Variants in C11orf65 observed in about 807,000 individuals in gnomAD.
C11orf65 encodes the protein chromosome 11 open reading frame 65, also known as protein MFI.
Under a neutral mutation model 35.3 loss-of-function variants are expected in C11orf65, and 38 were observed. The observed-to-expected ratio is 1.08, with a 90% CI of 0.83 to 1.41. C11orf65 has a LOEUF of 1.41. Ranked by LOEUF, C11orf65 falls within the 40% of genes most tolerant of loss-of-function variation. C11orf65 has a pLI of 0.00. For missense variants in C11orf65, 370 were observed against 367.1 expected, an observed-to-expected ratio of 1.01 and a Z score of -0.06; for synonymous variants, 105 against 114.4, an observed-to-expected ratio of 0.92 and a Z score of 0.53.
intron 2 of C11orf65, among the ~76,000 whole-genome samples, chr11:108,351,688 G>A (rs988360724): frequency 8.5e-5 from 13 of 152,162 alleles, no homozygotes; most frequent in Non-Finnish European, 4.4e-5. Context: ...GGGGAAGGAA[G>A]TGGAAGTTAA....
intron 6 of C11orf65, among the ~76,000 whole-genome samples, chr11:108,313,850 A>G (rs1304448945): frequency 2.0e-5 from 3 of 152,194 alleles, no homozygotes; most frequent in African/African-American, 7.2e-5. Context: ...TCAATTTTCT[A>G]TGCAGTATAG....
At chr11:108,365,964 G>A (rs2091297581) in intron 2 of C11orf65, 1 of 172,430 alleles carries the variant, frequency 5.8e-6, no homozygotes. Context: ...GGGAGGTGAA[G>A]GTTGCTGTGG....
chr11:108,333,819 T>C (rs1386802827), intron 3 of C11orf65: 3 of 1,259,178 alleles, frequency 2.4e-6, no homozygotes, highest in African/African-American at 2.9e-5. Flanking sequence ...ATCTGCTGAC[T>C]ATTCCTGCTT....
At chr11:108,449,637 A>C (rs1735364534) in intron 2 of C11orf65, among the ~76,000 whole-genome samples, 1 of 152,018 alleles carries the variant, frequency 6.6e-6, no homozygotes, top group South Asian at 2.1e-4. Flanking sequence ...AAATTAACTC[A>C]AGATGGATTA....
chr11:108,453,293 A>G (rs2135680345), intron 2 of C11orf65, among the ~76,000 whole-genome samples: 1 of 152,210 alleles, frequency 6.6e-6, no homozygotes, highest in Middle Eastern at 3.4e-3. Flanking sequence ...ACAAACTAAC[A>G]ATATTTAATT....
intron 7 of C11orf65, among the ~76,000 whole-genome samples, chr11:108,391,390 C>CT (rs1028000216): frequency 3.7e-4 from 56 of 152,002 alleles, no homozygotes; most frequent in African/African-American, 1.2e-3. Flanking sequence ...ATTTTCTTTT[C>CT]TTTTTTTTGA....
intron 3 of C11orf65, among the ~76,000 whole-genome samples, chr11:108,420,746 C>T (rs2092803753): frequency 6.6e-6 from 1 of 152,066 alleles, no homozygotes; most frequent in Non-Finnish European, 1.5e-5. Flanking sequence ...TCAATACAAT[C>T]TCGATCAACA....
intron 6 of C11orf65, chr11:108,321,553 T>C: frequency 1.5e-6 from 2 of 1,328,734 alleles, no homozygotes; most frequent in South Asian, 1.2e-5. Flanking sequence ...AAGGCTGAAG[T>C]GGGTGGATCA....
intron 6 of C11orf65, among the ~76,000 whole-genome samples, chr11:108,396,739 C>T (rs998979944): frequency 1.3e-5 from 2 of 151,374 alleles, no homozygotes; most frequent in East Asian, 2.0e-4. Flanking sequence ...GAGGCTGAGG[C>T]GGGAGAATGG....
intron 2 of C11orf65, among the ~76,000 whole-genome samples, chr11:108,452,630 G>C (rs565708312): frequency 1.3e-5 from 2 of 152,112 alleles, no homozygotes; most frequent in Non-Finnish European, 1.5e-5. Context: ...TACCATTTGA[G>C]CCAGCCATCC....
At chr11:108,354,060 C>T (rs1375891709) in intron 2 of C11orf65, among the ~76,000 whole-genome samples, 1 of 105,246 alleles carries the variant, frequency 9.5e-6, no homozygotes, top group Non-Finnish European at 2.0e-5. Context: ...TAAAAAAATA[C>T]ACACACACAA....
At chr11:108,464,823 T>A (rs1192314822) in intron 1 of C11orf65, among the ~76,000 whole-genome samples, 1 of 152,152 alleles carries the variant, frequency 6.6e-6, no homozygotes, top group African/African-American at 2.4e-5. Flanking sequence ...TTTTCCACAA[T>A]GTGCATTTAG....
chr11:108,392,921 A>T (rs2092199825), intron 7 of C11orf65, among the ~76,000 whole-genome samples: 1 of 152,206 alleles, frequency 6.6e-6, no homozygotes, highest in African/African-American at 2.4e-5. Context: ...TCATGCTCTT[A>T]GCCTTTTTTC....
chr11:108,379,195 C>T (rs1432557038), downstream of C11orf65, among the ~76,000 whole-genome samples: 31 of 152,176 alleles, frequency 2.0e-4, no homozygotes, highest in African/African-American at 5.1e-4. Flanking sequence ...TATTGCCGCA[C>T]TATTCACAAT....
chr11:108,401,851 A>G (rs1360405208), intron 6 of C11orf65, among the ~76,000 whole-genome samples: 1 of 152,184 alleles, frequency 6.6e-6, no homozygotes, highest in Non-Finnish European at 1.5e-5. Flanking sequence ...GGTTGGCTCT[A>G]CCTAAATCAG....
intron 3 of C11orf65, 73 bp from the exon 4 acceptor site, chr11:108,407,222 C>G: frequency 9.2e-7 from 1 of 1,086,864 alleles, no homozygotes. Flanking sequence ...ATTTCTCACT[C>G]TATTATTTTA....
In C11orf65 at chr11:108,451,395, C is replaced by G. The variant is rs144500441; in HGVS notation, c.81+10084G>C. Among the ~76,000 whole-genome samples, 917 of 152,108 alleles carry G rather than the reference C, an allele frequency of 6.0e-3. 11 individuals carry two copies. The highest frequency in any genetic ancestry group is 9.8e-3 in the East Asian group (51 of 5,186). On this transcript the variant is annotated intron_variant, in intron 2 of 8. Transcript: ENST00000393084. ...AACAGAGAGCCAAATCATGAGTGAA[C>G]TCCCATTCACAATTGCTACAGAGAA...
At chr11:108,316,156 T>C (rs1403380644) in intron 6 of C11orf65, 6 of 1,535,426 alleles carry the variant, frequency 3.9e-6, no homozygotes, top group Non-Finnish European at 5.4e-6. Flanking sequence ...ACTAGTGTAG[T>C]GCTGAGGTTA....
Position 108,315,884 on chromosome 11 carries a change from G to A in C11orf65, c.641-6813C>T, listed in dbSNP as rs1486220915. 2.5e-6 allele frequency: 4 copies of A among 1,612,664 alleles called. No homozygotes were observed. The highest frequency in any genetic ancestry group is 2.5e-6 in the Non-Finnish European group (3 of 1,178,792). On this transcript the variant is annotated intron_variant, in intron 6 of 6. Transcript: ENST00000525729. ...CCAGATAGTTTGTATGGCTGTGGTG[G>A]AGGGAAGATGTTACAACCCATTACT...
Sources: allele counts gnomAD v4.1 joint callset (sites outside exome capture counted in the v4.1 genomes callset), GRCh38; gene constraint gnomAD v4.1.1; transcripts MANE v1.5; gene names NCBI Gene and HGNC (gene_info 2026-07-23, HGNC 2026-07-21).